KHDRBS2: variants seen among roughly 807,000 people sequenced by gnomAD.
KHDRBS2 encodes the protein KH domain-containing, RNA-binding, signal transduction-associated protein 2.
Under a neutral mutation model 44.3 loss-of-function variants are expected in KHDRBS2, and 26 were observed. That is an observed-to-expected ratio of 0.59 (90% confidence interval 0.43 to 0.81). The LOEUF is 0.81. Among genes scored for constraint, KHDRBS2 ranks in the 40% least tolerant of loss-of-function variants. The pLI is 0.00. For missense variants in KHDRBS2, 476 were observed against 433.1 expected, an observed-to-expected ratio of 1.10 and a Z score of -0.88; for synonymous variants, 194 against 151.1, an observed-to-expected ratio of 1.28 and a Z score of -2.08.
the KHDRBS2 span, among the ~76,000 whole-genome samples, chr6:61,632,283 C>G: frequency 6.6e-6 from 1 of 151,820 alleles, no homozygotes; most frequent in East Asian, 1.9e-4. Context: ...GAAGAAAGTC[C>G]TAGTATGAGA....
intron 3 of KHDRBS2, among the ~76,000 whole-genome samples, chr6:62,029,416 T>C (rs2127290412): frequency 6.6e-6 from 1 of 152,020 alleles, no homozygotes; most frequent in East Asian, 1.9e-4. Flanking sequence ...TATGAAACTG[T>C]TTCATAAAAA....
At chr6:61,556,255 A>T in the KHDRBS2 span, among the ~76,000 whole-genome samples, 2 of 152,178 alleles carry the variant, frequency 1.3e-5, no homozygotes, top group Non-Finnish European at 1.5e-5. Flanking sequence ...GGGCAGAGCT[A>T]CTGGTGGCCA....
chr6:62,064,244 T>C (rs1054181894), intron 2 of KHDRBS2, among the ~76,000 whole-genome samples: 3 of 146,390 alleles, frequency 2.0e-5, no homozygotes, highest in Non-Finnish European at 3.0e-5. Flanking sequence ...CCCATCAAGC[T>C]ACCAATGACT....
intron 2 of KHDRBS2, among the ~76,000 whole-genome samples, chr6:62,091,744 T>G (rs949242005): frequency 1.3e-5 from 2 of 152,178 alleles, no homozygotes; most frequent in Admixed American, 6.5e-5. Flanking sequence ...TGGAGCCAGA[T>G]GACCTGGTCC....
At chr6:62,181,153 T>A (rs1181343494) in intron 1 of KHDRBS2, among the ~76,000 whole-genome samples, 2 of 151,722 alleles carry the variant, frequency 1.3e-5, no homozygotes, top group African/African-American at 4.8e-5. Flanking sequence ...TTCTTAGCTA[T>A]GATCACAAAA....
intron 3 of KHDRBS2, among the ~76,000 whole-genome samples, chr6:61,988,507 G>A (rs116247981): frequency 0.01 from 1,561 of 152,222 alleles, 27 homozygotes; most frequent in African/African-American, 0.036. Context: ...ACTGGTCTAG[G>A]ACTACAGAGG....
intron 1 of KHDRBS2, among the ~76,000 whole-genome samples, chr6:62,247,028 C>T (rs1835689613): frequency 6.6e-6 from 1 of 151,928 alleles, no homozygotes; most frequent in African/African-American, 2.4e-5. Flanking sequence ...CAAACATATT[C>T]ACACAAACTG....
At chr6:61,699,335 G>A (rs1160683785) in intron 7 of KHDRBS2, among the ~76,000 whole-genome samples, 1 of 151,548 alleles carries the variant, frequency 6.6e-6, no homozygotes, top group Non-Finnish European at 1.5e-5. Flanking sequence ...TCTTACTGAG[G>A]GATCTATAAA....
the KHDRBS2 span, among the ~76,000 whole-genome samples, chr6:61,562,825 G>A: frequency 2.0e-5 from 3 of 152,118 alleles, no homozygotes; most frequent in Non-Finnish European, 4.4e-5. Context: ...CTCCAATTAT[G>A]TGTTAAAGTT....
chr6:62,002,450 T>C (rs1778431302), intron 3 of KHDRBS2, among the ~76,000 whole-genome samples: 1 of 151,772 alleles, frequency 6.6e-6, no homozygotes, highest in South Asian at 2.1e-4. Flanking sequence ...GTCTTTTCTA[T>C]CATTTTTGCT....
At chr6:62,012,430 G>T (rs1780473459) in intron 3 of KHDRBS2, among the ~76,000 whole-genome samples, 1 of 152,082 alleles carries the variant, frequency 6.6e-6, no homozygotes, top group South Asian at 2.1e-4. Context: ...ACAGGAGAAA[G>T]CTGTGTTTTT....
At chr6:61,681,140 C>A in intron 8 of KHDRBS2, 80 bp from the exon 9 acceptor site, 2 of 951,722 alleles carry the variant, frequency 2.1e-6, no homozygotes, top group East Asian at 2.5e-5. Flanking sequence ...AATAGTTGAC[C>A]GAGAAAAAGA....
intron 6 of KHDRBS2, among the ~76,000 whole-genome samples, chr6:61,784,398 G>T (rs1783470496): frequency 6.7e-6 from 1 of 149,096 alleles, no homozygotes; most frequent in African/African-American, 2.4e-5. Context: ...CAATTATTTT[G>T]AAATGGTAAA....
intron 2 of KHDRBS2, among the ~76,000 whole-genome samples, chr6:62,163,091 C>T (rs1254910281): frequency 6.6e-6 from 1 of 151,870 alleles, no homozygotes; most frequent in Non-Finnish European, 1.5e-5. Flanking sequence ...AGAAGAGCAC[C>T]ATAGATAATC....
chr6:61,919,879 A>G (rs1174607065), intron 4 of KHDRBS2, among the ~76,000 whole-genome samples: 1 of 151,248 alleles, frequency 6.6e-6, no homozygotes, highest in Non-Finnish European at 1.5e-5. Context: ...TTAACACTAA[A>G]TGTTTCAAAG....
intron 6 of KHDRBS2, among the ~76,000 whole-genome samples, chr6:61,836,315 A>G (rs1197855732): frequency 6.6e-6 from 1 of 151,912 alleles, no homozygotes; most frequent in Non-Finnish European, 1.5e-5. Flanking sequence ...TATTCCATAA[A>G]CACACGCAGG....
chr6:62,215,004 A>G (rs891576384), intron 1 of KHDRBS2, among the ~76,000 whole-genome samples: 1 of 151,834 alleles, frequency 6.6e-6, no homozygotes, highest in Non-Finnish European at 1.5e-5. Context: ...AAAATTTAAA[A>G]TCCATCCAAA....
intron 1 of KHDRBS2, 46 bp from the exon 2 acceptor site, chr6:62,177,358 G>A: frequency 6.8e-7 from 1 of 1,461,578 alleles, no homozygotes; most frequent in Non-Finnish European, 9.3e-7. Context: ...GAGGAACAAT[G>A]TTATCATAAA....
At chr6:61,880,834 A>C (rs1286548157) in intron 6 of KHDRBS2, among the ~76,000 whole-genome samples, 1 of 151,986 alleles carries the variant, frequency 6.6e-6, no homozygotes, top group African/African-American at 2.4e-5. Flanking sequence ...TGCAGGAAAG[A>C]ATATTCTTAC....
Sources: gnomAD v4.1 joint callset for allele counts (sites outside exome capture counted in the v4.1 genomes callset) on GRCh38, gnomAD v4.1.1 for gene constraint, MANE v1.5 for transcripts, NCBI Gene and HGNC (gene_info 2026-07-23, HGNC 2026-07-21) for gene names.